TTC12: variants seen among roughly 807,000 people sequenced by gnomAD.
TTC12 encodes tetratricopeptide repeat domain 12.
TTC12 carries 70 observed loss-of-function variants against 90.1 expected under a neutral mutation model. That is an observed-to-expected ratio of 0.78 (90% confidence interval 0.64 to 0.95). The LOEUF is 0.95. Among genes scored for constraint, TTC12 ranks in the 40% least tolerant of loss-of-function variants. TTC12 has a pLI of 0.00. For synonymous variants in TTC12, 296 were observed against 311.5 expected (o/e 0.95, Z 0.53); for missense variants, 819 against 846.1 (o/e 0.97, Z 0.40).
Position 113,316,307 on chromosome 11 carries a change from A to G in TTC12, c.50A>G (p.Asp17Gly), listed in dbSNP as rs1205879912. 8 of 1,456,036 alleles carry G rather than the reference A, an allele frequency of 5.5e-6. No individual in the cohort carries two copies. Among genetic ancestry groups the G allele is most frequent in the Non-Finnish European group, 7.3e-6 (8 of 1,094,890 alleles). 90.2% of individuals were successfully genotyped at this position (1,456,036 alleles called of 1,614,324 possible). A position where few individuals can be genotyped will look rare whatever the true frequency, so the allele number is the denominator to read the frequency against. Residue 17 changes from aspartate (D) to glycine (G), a missense_variant, in exon 2 of 22, where the codon GAT becomes GGT. Physicochemically the swap from Asp to Gly is moderately conservative, Grantham distance 94 (BLOSUM62 -1). Coordinates refer to ENST00000529221, the MANE Select transcript of TTC12 (RefSeq NM_017868.4). ...KDLQKFLKNV[D>G]EISNLIQEMN... Reference sequence around the variant, plus strand: ...TTGCAGAAATTTCTTAAAAATGTGGATGAAATCTGTAAGTACTAGTAAATC... The same window carrying G: ...TTGCAGAAATTTCTTAAAAATGTGGGTGAAATCTGTAAGTACTAGTAAATC...
At position 113,361,916 on chromosome 11, in the gene TTC12, A is replaced by G. The variant is rs529136191; in HGVS notation, c.1615-485A>G. ...TTGTATCCTGAGAAAGATTTAAGATAGTTATATCCATAAAAGAGTAACAGC... is the reference window on the plus strand; with the variant it reads ...TTGTATCCTGAGAAAGATTTAAGATGGTTATATCCATAAAAGAGTAACAGC... On this transcript the variant is annotated intron_variant, in intron 18 of 21. Transcript: ENST00000529221. 3.9e-5 allele frequency among the ~76,000 whole-genome samples: 6 copies of G among 151,906 alleles called. No individual in the cohort carries two copies. In the East Asian group the frequency reaches 1.2e-3, roughly 29 times the overall value.
At chr11:113,323,914 C>A in intron 3 of TTC12, 80 bp from the exon 4 acceptor site, 1 of 1,104,380 alleles carries the variant, frequency 9.1e-7, no homozygotes, top group South Asian at 1.4e-5. Context: ...AATTGATTTG[C>A]CTTCTTGGTT....
Position 113,325,567 on chromosome 11 carries a change from T to C in TTC12, c.366T>C (p.Tyr122=), listed in dbSNP as rs781914917. The C allele has an allele frequency of 8.7e-6, 14 of 1,613,880 alleles. No individual in the cohort carries two copies. The Admixed American group carries it at 1.2e-4, about 13-fold the overall frequency. The change falls in exon 6 of 22, where the codon TAT becomes TAC. Residue 122 remains tyrosine (Y), a synonymous_variant. Coordinates refer to ENST00000529221, the MANE Select transcript of TTC12 (RefSeq NM_017868.4). ...KGNEAFAEGN[Y]ETAILRYSEG... The stretch of plus-strand genomic sequence containing the variant: ...ATGAAGCATTTGCTGAAGGCAATTA[T>C]GAAACAGCTATCCTGCGCTACAGTG...
At chr11:113,373,129 G>C (rs189185272) in exon 22 of TTC12, 1 of 908,684 alleles carries the variant, frequency 1.1e-6, no homozygotes, top group African/African-American at 1.8e-5. Context: ...TACAGATGAG[G>C]AAACTGAGGT....
At chr11:113,338,899 T>A in intron 9 of TTC12, 65 bp downstream of exon 9, 1 of 1,447,340 alleles carries the variant, frequency 6.9e-7, no homozygotes, top group Non-Finnish European at 9.7e-7. Flanking sequence ...TGCCTTAGAA[T>A]GCCTTCCGTG....
intron 19 of TTC12, 114 bp downstream of exon 19, chr11:113,362,616 G>T (rs1949999325): frequency 2.7e-6 from 2 of 731,508 alleles, no homozygotes; most frequent in Non-Finnish European, 4.6e-6. Flanking sequence ...TTTCTTCCTT[G>T]CTAGATTTTA....
At chr11:113,362,048 T>C (rs1277435540) in intron 18 of TTC12, among the ~76,000 whole-genome samples, 1 of 151,140 alleles carries the variant, frequency 6.6e-6, no homozygotes, top group East Asian at 1.9e-4. Context: ...AAGATAAAGA[T>C]AAATGACACA....
In TTC12 at chr11:113,350,023, G is replaced by A. The variant is rs1330942208; in HGVS notation, c.1155-50G>A. ...CCTTGCAAGGTTACCCTGTTGGGAT[G>A]TTGTTAGTTGGAGGACAGCTACCTC... On this transcript the variant is annotated intron_variant, in intron 13 of 21. Transcript: ENST00000529221. 4 of 1,431,034 alleles carry A rather than the reference G, an allele frequency of 2.8e-6. No homozygotes were observed. The Admixed American group carries it at 5.1e-5, about 18-fold the overall frequency. The allele number at this position is 1,431,034 out of a possible 1,614,324, so 88.6% of individuals were successfully genotyped here. A position where few individuals can be genotyped will look rare whatever the true frequency, so the allele number is the denominator to read the frequency against.
chr11:113,330,526 A>T (rs991273604), intron 7 of TTC12, among the ~76,000 whole-genome samples: 1 of 152,262 alleles, frequency 6.6e-6, no homozygotes, highest in Non-Finnish European at 1.5e-5. Context: ...ATGCATAGAC[A>T]TAAAGACTAT....
At chr11:113,320,195 T>C (rs529670937) in intron 2 of TTC12, among the ~76,000 whole-genome samples, 2 of 152,118 alleles carry the variant, frequency 1.3e-5, no homozygotes, top group Non-Finnish European at 2.9e-5. Context: ...GGTGGTTCCC[T>C]GGCAAAGACC....
intron 18 of TTC12, among the ~76,000 whole-genome samples, chr11:113,361,341 G>A (rs1053096240): frequency 6.6e-5 from 10 of 152,224 alleles, no homozygotes; most frequent in African/African-American, 1.9e-4. Flanking sequence ...ACAGGCAATG[G>A]TTACCAATAG....
intron 13 of TTC12, 140 bp from the exon 14 acceptor site, chr11:113,349,933 T>G: frequency 1.4e-6 from 1 of 694,668 alleles, no homozygotes; most frequent in Non-Finnish European, 2.6e-6. Flanking sequence ...CTAGGCTTCC[T>G]AGGAGGGCAT....
At chr11:113,364,618 T>C in intron 20 of TTC12, 1 of 567,312 alleles carries the variant, frequency 1.8e-6, no homozygotes, top group South Asian at 2.0e-5. Context: ...GGCACTGTTC[T>C]AGGAAGCGGA....
chr11:113,330,110 G>T, intron 7 of TTC12, 131 bp downstream of exon 7: 1 of 738,900 alleles, frequency 1.4e-6, no homozygotes, highest in Non-Finnish European at 2.4e-6. Flanking sequence ...CTGTAGAATG[G>T]GATAGAATAG....
At chr11:113,370,970 C>A (rs1335974487), downstream of TTC12, among the ~76,000 whole-genome samples, 2 of 152,106 alleles carry the variant, frequency 1.3e-5, no homozygotes, top group East Asian at 1.9e-4. Context: ...ATACACACAC[C>A]CCCACACACA....
chr11:113,331,222 C>G (rs941374524), intron 7 of TTC12, among the ~76,000 whole-genome samples: 1 of 152,178 alleles, frequency 6.6e-6, no homozygotes, highest in Admixed American at 6.5e-5. Flanking sequence ...TTGCCCAAAG[C>G]TGATGACGTC....
intron 16 of TTC12, among the ~76,000 whole-genome samples, chr11:113,354,172 TC>T (rs1370889828): frequency 5.3e-5 from 8 of 152,208 alleles, no homozygotes; most frequent in Admixed American, 1.3e-4. Context: ...TGTGGAGATC[TC>T]TTTCACTTTC....
intron 12 of TTC12, among the ~76,000 whole-genome samples, chr11:113,342,518 A>G (rs1208553663): frequency 6.6e-6 from 1 of 152,220 alleles, no homozygotes; most frequent in Non-Finnish European, 1.5e-5. Context: ...TGTGTTTCAT[A>G]GGAAAAAGTT....
downstream of TTC12, chr11:113,368,447 GAC>G (rs1414146088): frequency 6.4e-7 from 1 of 1,550,562 alleles, no homozygotes. Context: ...CACCCTTGGA[GAC>G]ACGGCTTGTT....
Sources: gnomAD v4.1 joint callset for allele counts (sites outside exome capture counted in the v4.1 genomes callset) on GRCh38, gnomAD v4.1.1 for gene constraint, MANE v1.5 for transcripts, NCBI Gene and HGNC (gene_info 2026-07-23, HGNC 2026-07-21) for gene names.